The following MAGEC3 variants were observed in gnomAD, a reference collection of about 807,000 sequenced individuals.
The protein encoded by MAGEC3 is melanoma-associated antigen C3.
In MAGEC3, 34 loss-of-function variants were observed where a neutral mutation model predicts 35.3. That is an observed-to-expected ratio of 0.96 (90% CI 0.73 to 1.28). MAGEC3 has a LOEUF of 1.28. Among genes scored for constraint, MAGEC3 ranks in the 50% most tolerant of loss-of-function variants. The pLI, the probability that MAGEC3 is intolerant of heterozygous loss-of-function variation, is 0.00. For missense variants in MAGEC3, 561 were observed against 483.6 expected (o/e 1.16, Z -1.50); for synonymous variants, 202 against 185.6 (o/e 1.09, Z -0.72).
chrX:141,897,159 T>C lies in MAGEC3; in HGVS notation c.1401T>C (p.Leu467=). 8.3e-7 allele frequency: 1 copy of C among 1,211,551 alleles called. No homozygotes were observed. Among genetic ancestry groups the C allele is most frequent in the South Asian group, 1.8e-5 (1 of 56,910 alleles). The part of the protein sequence containing the change: ...DEKVAELVQF[L]LLKYQTKEPV... ...AGGTGGCTGAGTTGGTGCAGTTTCT[T>C]CTCCTCAAATATCAAACAAAAGAGC... The change falls in exon 7 of 8, where the codon CTT becomes CTC. Residue 467 remains leucine (L), a synonymous_variant. Transcript: ENST00000298296.
chrX:141,853,300 A>G (rs2017762212), intron 1 of MAGEC3, among the ~76,000 whole-genome samples: 1 of 111,517 alleles, frequency 9.0e-6, no homozygotes, highest in Admixed American at 9.6e-5. Context: ...GCACTTCCAC[A>G]GAGACTGATT....
At chrX:141,896,420 T>A (rs1435989014) in intron 6 of MAGEC3, 12 of 1,122,982 alleles carry the variant, frequency 1.1e-5, no homozygotes, top group Non-Finnish European at 1.2e-5. Context: ...CTTTCTCACA[T>A]CCTCCTACAG....
At chrX:141,861,951 A>G (rs1446772171) in intron 1 of MAGEC3, among the ~76,000 whole-genome samples, 1 of 111,743 alleles carries the variant, frequency 8.9e-6, no homozygotes, top group Non-Finnish European at 1.9e-5. Context: ...ATTACACTAA[A>G]AAGTTTCTGC....
chrX:141,878,992 C>A (rs1302604433), intron 2 of MAGEC3, among the ~76,000 whole-genome samples, 183 bp from the exon 3 acceptor site: 1 of 112,273 alleles, frequency 8.9e-6, no homozygotes, highest in Non-Finnish European at 1.9e-5. Flanking sequence ...ATGTGATTCT[C>A]CCTCTCTTGC....
At chrX:141,895,618 C>A in intron 6 of MAGEC3, 59 bp downstream of exon 6, 5 of 1,066,777 alleles carry the variant, frequency 4.7e-6, no homozygotes, top group Non-Finnish European at 6.2e-6. Flanking sequence ...GGAACCCCCA[C>A]CTCAGAGGAC....
At chrX:141,874,419 C>A (rs933300194) in intron 2 of MAGEC3, among the ~76,000 whole-genome samples, 1 of 110,885 alleles carries the variant, frequency 9.0e-6, no homozygotes, top group Admixed American at 9.6e-5. Flanking sequence ...AAAGGAAAAA[C>A]GAGAAACGAG....
intron 2 of MAGEC3, 106 bp from the exon 3 acceptor site, chrX:141,879,069 G>A (rs1446693370): frequency 1.0e-6 from 1 of 973,540 alleles, no homozygotes; most frequent in East Asian, 3.3e-5. Context: ...ACAGAGGCAG[G>A]AAGGCCAGGC....
chrX:141,854,010 A>G (rs1197458398), intron 1 of MAGEC3, among the ~76,000 whole-genome samples: 1 of 111,050 alleles, frequency 9.0e-6, no homozygotes, highest in Non-Finnish European at 1.9e-5. Context: ...GTGATAGTGG[A>G]CTTGAATCTA....
chrX:141,881,145 CTCT>C (rs199647886), intron 3 of MAGEC3, among the ~76,000 whole-genome samples: 1,444 of 111,187 alleles, frequency 0.013, 24 homozygotes, highest in African/African-American at 0.046. Flanking sequence ...CCTCTTCCTT[CTCT>C]TCTTCCTCCT....
In MAGEC3 at chrX:141,895,546, G is replaced by A. The variant is rs2018083935; in HGVS notation, c.1110G>A (p.Gln370=). The change falls in exon 6 of 8, where the codon CAG becomes CAA. Residue 370 remains glutamine (Q), a synonymous_variant. Transcript: ENST00000298296. The stretch of plus-strand genomic sequence containing the variant: ...GGCTGACCGAGGCGTCCCCACAACA[G>A]AAGAAGGGAGGAGGTGCCAGCCCTC... ...RRGLTEASPQ[Q]KKGGEDEDMP... The A allele has an allele frequency of 1.7e-6, 2 of 1,202,259 alleles. No individual in the cohort carries two copies. The highest frequency in any genetic ancestry group is 2.2e-5 in the Admixed American group (1 of 44,962).
intron 6 of MAGEC3, 172 bp from the exon 7 acceptor site, chrX:141,896,710 A>C: frequency 8.3e-7 from 1 of 1,211,497 alleles, no homozygotes; most frequent in Non-Finnish European, 1.1e-6. Context: ...CCAGAACCCG[A>C]GTGTGACAGA....
At chrX:141,838,735 G>A (rs1037698064) in intron 1 of MAGEC3, 4 of 751,945 alleles carry the variant, frequency 5.3e-6, no homozygotes, top group Admixed American at 8.9e-5. Context: ...CTCTGCAGTG[G>A]TGCCTCATTT....
chrX:141,886,469 G>C (rs753357166), intron 4 of MAGEC3, among the ~76,000 whole-genome samples: 2 of 111,024 alleles, frequency 1.8e-5, no homozygotes, highest in South Asian at 3.9e-4. Flanking sequence ...TAGGGTAACT[G>C]TGCACTGGGG....
chrX:141,885,360 C>A (rs2017994441), intron 4 of MAGEC3, among the ~76,000 whole-genome samples: 1 of 110,082 alleles, frequency 9.1e-6, no homozygotes, highest in Non-Finnish European at 1.9e-5. Context: ...AATGTTGCAG[C>A]TTGGGGAGTT....
chrX:141,889,606 G>A (rs1276545213), intron 4 of MAGEC3, among the ~76,000 whole-genome samples: 1 of 112,064 alleles, frequency 8.9e-6, no homozygotes, highest in Non-Finnish European at 1.9e-5. Flanking sequence ...ACTCTGCAAG[G>A]GAGGTGAGAA....
In MAGEC3 at chrX:141,879,446, A is replaced by G. The variant is rs1246943214; in HGVS notation, c.515+15A>G. On this transcript the variant is annotated intron_variant, in intron 3 of 7. Coordinates refer to ENST00000298296, the MANE Select transcript of MAGEC3 (RefSeq NM_138702.1). ...AAAGCGGGGAGGTGGGCAGGGAAAT[A>G]TGGACGAGGGCTTTGAAGTGAGGAG... The G allele has an allele frequency of 8.6e-7, 1 of 1,163,331 alleles. No individual in the cohort carries two copies. Among genetic ancestry groups the G allele is most frequent in the Non-Finnish European group, 1.2e-6 (1 of 869,393 alleles).
At chrX:141,879,962 C>T (rs1263515890) in intron 3 of MAGEC3, among the ~76,000 whole-genome samples, 1 of 111,387 alleles carries the variant, frequency 9.0e-6, no homozygotes, top group East Asian at 2.8e-4. Flanking sequence ...GGGGAAACGC[C>T]ACCTCAGAGG....
In MAGEC3 at chrX:141,879,412, TG is replaced by T. The variant is rs1295601131; in HGVS notation, c.502del (p.Glu168ArgfsTer45). The T allele has an allele frequency of 2.6e-6, 3 of 1,164,655 alleles. No homozygotes were observed. The highest frequency in any genetic ancestry group is 3.8e-5 in the South Asian group (2 of 52,063). ...TGCCGTCAGCCCTGGAAAAAGGTTG[TG>T]GGGGGAGAAAGCGGGGAGGTGGGCA... Reference protein sequence around the residue: ...LPAVSPGKRLWGEKAGSLPES... With the variant: ...LPAVSPGKRLXGEKAGSLPES... On this transcript the variant is annotated frameshift_variant, in exon 3 of 8. Coordinates refer to ENST00000298296, the MANE Select transcript of MAGEC3 (RefSeq NM_138702.1). LOFTEE classifies it high-confidence loss of function.
At chrX:141,892,387 T>C (rs2018048999) in intron 4 of MAGEC3, among the ~76,000 whole-genome samples, 1 of 111,966 alleles carries the variant, frequency 8.9e-6, no homozygotes, top group Non-Finnish European at 1.9e-5. Context: ...CTATAATTCA[T>C]GTAAATAAAA....
Sources: gnomAD v4.1 joint callset for allele counts (sites outside exome capture counted in the v4.1 genomes callset) on GRCh38, gnomAD v4.1.1 for gene constraint, MANE v1.5 for transcripts, NCBI Gene and HGNC (gene_info 2026-07-23, HGNC 2026-07-21) for gene names.